Variants in SLCO3A1 observed in about 807,000 individuals in gnomAD.
SLCO3A1 encodes the protein solute carrier organic anion transporter family member 3A1.
Under a neutral mutation model 63.1 loss-of-function variants are expected in SLCO3A1, and 27 were observed. That is an observed-to-expected ratio of 0.43 (90% confidence interval 0.32 to 0.59). SLCO3A1 has a LOEUF of 0.59. SLCO3A1 is among the 20% of genes least tolerant of loss of function. The probability of loss-of-function intolerance (pLI) is 0.09; values close to 1 mark genes in which losing one functional copy is unlikely to be tolerated. For missense variants in SLCO3A1, 773 were observed against 945.8 expected (o/e 0.82, Z 2.40); for synonymous variants, 473 against 409.9 (o/e 1.15, Z -1.86).
At chr15:92,022,458 T>C (rs2046521946) in intron 2 of SLCO3A1, among the ~76,000 whole-genome samples, 1 of 152,214 alleles carries the variant, frequency 6.6e-6, no homozygotes, top group African/African-American at 2.4e-5. Flanking sequence ...CCTTAAAGTG[T>C]AGGAAGCTCT....
chr15:92,037,782 TAGC>T (rs2046746556), intron 2 of SLCO3A1, among the ~76,000 whole-genome samples: 1 of 152,244 alleles, frequency 6.6e-6, no homozygotes, highest in Non-Finnish European at 1.5e-5. Context: ...ACTAGAATAT[TAGC>T]AGGCTTCCTT....
intron 2 of SLCO3A1, among the ~76,000 whole-genome samples, chr15:92,092,305 T>C (rs549343543): frequency 6.6e-6 from 1 of 152,204 alleles, no homozygotes; most frequent in East Asian, 1.9e-4. Context: ...CTGTAGGGCA[T>C]GGATCAGTGA....
At chr15:91,857,032 G>A (rs891103109) in intron 1 of SLCO3A1, among the ~76,000 whole-genome samples, 3 of 29,298 alleles carry the variant, frequency 1.0e-4, no homozygotes, top group Non-Finnish European at 1.6e-4. Flanking sequence ...GAGGACTCGT[G>A]TGTGTGTGTG....
chr15:92,088,806 A>G (rs1204169062), intron 2 of SLCO3A1, among the ~76,000 whole-genome samples: 1 of 152,058 alleles, frequency 6.6e-6, no homozygotes, highest in East Asian at 1.9e-4. Flanking sequence ...TTCACATTTA[A>G]AAGATCCTTG....
At chr15:92,130,894 A>G (rs1457365124) in intron 7 of SLCO3A1, among the ~76,000 whole-genome samples, 2 of 151,172 alleles carry the variant, frequency 1.3e-5, no homozygotes, top group East Asian at 1.9e-4. Flanking sequence ...GCAAAAAAAA[A>G]AAAAAAAAAA....
At chr15:91,908,966 C>G (rs1265104052) in intron 1 of SLCO3A1, among the ~76,000 whole-genome samples, 2 of 152,136 alleles carry the variant, frequency 1.3e-5, no homozygotes, top group African/African-American at 4.8e-5. Context: ...GAGGCTGAGG[C>G]AGGAGAATTG....
At chr15:92,097,681 A>G (rs2151539721) in intron 3 of SLCO3A1, among the ~76,000 whole-genome samples, 1 of 152,320 alleles carries the variant, frequency 6.6e-6, no homozygotes, top group South Asian at 2.1e-4. Context: ...TTTCCAAAGA[A>G]TGCAAGGTGC....
intron 4 of SLCO3A1, among the ~76,000 whole-genome samples, chr15:92,108,297 G>T (rs771490344): frequency 2.0e-5 from 3 of 152,178 alleles, no homozygotes; most frequent in African/African-American, 4.8e-5. Flanking sequence ...TCTCAGCTGC[G>T]CCACCAAATA....
chr15:91,949,088 C>T (rs749704775), intron 2 of SLCO3A1, among the ~76,000 whole-genome samples: 1 of 152,152 alleles, frequency 6.6e-6, no homozygotes, highest in Non-Finnish European at 1.5e-5. Context: ...TGACCCTCTG[C>T]ATGCAGGTAT....
chr15:92,108,187 C>T (rs1175431826), intron 4 of SLCO3A1, among the ~76,000 whole-genome samples: 1 of 152,214 alleles, frequency 6.6e-6, no homozygotes, highest in Non-Finnish European at 1.5e-5. Context: ...GCCCCATAAC[C>T]ATCTTACCAT....
At chr15:92,107,629 C>T (rs1567124072) in intron 4 of SLCO3A1, among the ~76,000 whole-genome samples, 3 of 152,194 alleles carry the variant, frequency 2.0e-5, no homozygotes, top group Admixed American at 1.3e-4. Context: ...ATTTCTCATC[C>T]GTTTTGTCTG....
intron 2 of SLCO3A1, among the ~76,000 whole-genome samples, chr15:91,983,473 G>T (rs1013652861): frequency 6.6e-6 from 1 of 152,088 alleles, no homozygotes; most frequent in African/African-American, 2.4e-5. Flanking sequence ...AACGAGCCTT[G>T]GAAGGTTTCA....
intron 2 of SLCO3A1, among the ~76,000 whole-genome samples, chr15:92,014,205 G>T (rs537743328): frequency 1.0e-3 from 152 of 152,244 alleles, no homozygotes; most frequent in African/African-American, 3.6e-3. Context: ...AGAAAATGCA[G>T]AAGCCTGATG....
intron 2 of SLCO3A1, among the ~76,000 whole-genome samples, chr15:91,975,372 T>G (rs906846005): frequency 9.9e-5 from 15 of 152,214 alleles, no homozygotes; most frequent in African/African-American, 3.6e-4. Context: ...ACACATGCAG[T>G]GTCCCCTGCA....
At position 91,862,415 on chromosome 15, in the gene SLCO3A1, G is replaced by A. The variant is rs73547368; in HGVS notation, c.180+8327G>A. 1.7e-3 allele frequency among the ~76,000 whole-genome samples: 260 copies of A among 152,186 alleles called. No homozygotes were observed. The highest frequency in any genetic ancestry group is 5.9e-3 in the African/African-American group (244 of 41,514). On this transcript the variant is annotated intron_variant, in intron 1 of 9. Transcript: ENST00000318445. The surrounding 1 kb of genome is among the most constrained non-coding windows in gnomAD (Gnocchi z 4.0). The stretch of plus-strand genomic sequence containing the variant: ...AAGTGATCCACTCACCTCAGCCTTA[G>A]CATTGGTTTTGGTTAAAATCTTTGC...
intron 4 of SLCO3A1, among the ~76,000 whole-genome samples, chr15:92,115,494 T>C (rs983306669): frequency 1.3e-5 from 2 of 152,142 alleles, no homozygotes; most frequent in African/African-American, 4.8e-5. Context: ...TTTATATTAA[T>C]TATTATTATT....
intron 1 of SLCO3A1, among the ~76,000 whole-genome samples, chr15:91,902,352 C>T (rs12437999): frequency 0.15 from 22,906 of 151,834 alleles, 1,936 homozygotes; most frequent in Middle Eastern, 0.23. Context: ...AGTGTGTGCT[C>T]ATGGCTTTCT....
At chr15:92,102,377 T>G (rs915202942) in intron 3 of SLCO3A1, among the ~76,000 whole-genome samples, 8 of 152,176 alleles carry the variant, frequency 5.3e-5, no homozygotes, top group East Asian at 1.9e-4. Flanking sequence ...TATACATATA[T>G]GTACATAAAA....
chr15:91,944,236 A>G (rs1899722567), intron 2 of SLCO3A1, among the ~76,000 whole-genome samples: 3 of 65,744 alleles, frequency 4.6e-5, no homozygotes, highest in African/African-American at 1.4e-4. Context: ...TGATTACCAT[A>G]TCCCTGTGCA....
Sources: gnomAD v4.1 joint callset for allele counts (sites outside exome capture counted in the v4.1 genomes callset) on GRCh38, gnomAD v4.1.1 for gene constraint, Gnocchi (gnomAD v3.1) non-coding constraint, MANE v1.5 for transcripts, NCBI Gene and HGNC (gene_info 2026-07-23, HGNC 2026-07-21) for gene names.